The following STAG1 variants were observed in gnomAD, a reference collection of about 807,000 sequenced individuals.
STAG1 encodes the protein STAG1 cohesin complex component.
In STAG1, 26 loss-of-function variants were observed where a neutral mutation model predicts 170.9. The observed-to-expected ratio is 0.15, with a 90% confidence interval of 0.11 to 0.21. STAG1 has a LOEUF of 0.21. Ranked by LOEUF, STAG1 falls within the 10% of genes least tolerant of loss-of-function variation. The probability of loss-of-function intolerance (pLI) is 1.00; values close to 1 mark genes in which losing one functional copy is unlikely to be tolerated. For synonymous variants in STAG1, 514 were observed against 497.7 expected, an observed-to-expected ratio of 1.03 and a Z score of -0.44; for missense variants, 964 against 1,509.5, an observed-to-expected ratio of 0.64 and a Z score of 5.99.
In STAG1 at chr3:136,443,453, T is replaced by G; in HGVS notation, c.1429-49A>C. On this transcript the variant is annotated intron_variant, in intron 14 of 33. Transcript: ENST00000383202. ...ACCAAAGAATATTTAATAAAGAAAC[T>G]ACTAATACTAATTTGAGTTAAGAAA... The G allele has an allele frequency of 2.5e-6, 3 of 1,219,606 alleles. No homozygotes were observed. The South Asian group carries it at 4.0e-5, about 16-fold the overall frequency. 75.5% of individuals were successfully genotyped at this position (1,219,606 alleles called of 1,614,324 possible).
At chr3:136,541,823 T>A (rs559501283) in intron 6 of STAG1, among the ~76,000 whole-genome samples, 1 of 152,282 alleles carries the variant, frequency 6.6e-6, no homozygotes, top group East Asian at 1.9e-4. Flanking sequence ...CTGTTGGAGA[T>A]GCATTTATAA....
intron 13 of STAG1, among the ~76,000 whole-genome samples, chr3:136,457,294 G>T (rs1427895845): frequency 6.6e-6 from 1 of 152,128 alleles, no homozygotes; most frequent in Non-Finnish European, 1.5e-5. Flanking sequence ...AGACTTGTTG[G>T]TTGCTCTCCC....
intron 3 of STAG1, chr3:136,608,960 T>G (rs1939114395): frequency 6.6e-6 from 1 of 152,292 alleles, no homozygotes; most frequent in Admixed American, 6.6e-5. Context: ...GCTCAGGCAG[T>G]TGGAGGAGCG....
At position 136,724,875 on chromosome 3, in the gene STAG1, G is replaced by GCT. The variant is rs1159697557; in HGVS notation, c.-84+27318_-84+27319dup. On this transcript the variant is annotated intron_variant, in intron 1 of 33. Transcript: ENST00000383202. ...TGGGACAGAACAGTAATACCAGAGAGCTCTATAAGGCTGAAAAGAGACTGT... is the reference window on the plus strand; with the variant it reads ...TGGGACAGAACAGTAATACCAGAGAGCTCTCTATAAGGCTGAAAAGAGACTGT... Among the ~76,000 whole-genome samples, 5 of 152,220 alleles carry GCT rather than the reference G, an allele frequency of 3.3e-5. No individual in the cohort carries two copies. In the East Asian group the frequency reaches 9.7e-4, roughly 29 times the overall value.
intron 4 of STAG1, among the ~76,000 whole-genome samples, chr3:136,583,971 G>C (rs1013246865): frequency 2.0e-5 from 3 of 152,060 alleles, no homozygotes; most frequent in Non-Finnish European, 2.9e-5. Flanking sequence ...AAAATACCTG[G>C]GGATCAGCTA....
chr3:136,382,462 G>T (rs1405614899), intron 22 of STAG1, among the ~76,000 whole-genome samples: 1 of 151,004 alleles, frequency 6.6e-6, no homozygotes, highest in African/African-American at 2.4e-5. Flanking sequence ...GAGTGCAGTG[G>T]CGCTATCTCG....
chr3:136,611,914 C>T (rs1046740758), intron 3 of STAG1, among the ~76,000 whole-genome samples: 10 of 151,808 alleles, frequency 6.6e-5, no homozygotes, highest in African/African-American at 2.4e-4. Context: ...GTGGCGCGAT[C>T]TCGGCTCACC....
chr3:136,419,773 T>C (rs1350741958), intron 20 of STAG1, among the ~76,000 whole-genome samples: 1 of 152,046 alleles, frequency 6.6e-6, no homozygotes, highest in Non-Finnish European at 1.5e-5. Context: ...CCAAATCTTA[T>C]TTCTTACTTA....
At chr3:136,660,690 G>C (rs112952479) in intron 1 of STAG1, among the ~76,000 whole-genome samples, 175 of 152,014 alleles carry the variant, frequency 1.2e-3, no homozygotes, top group African/African-American at 2.4e-3. Context: ...GGGGACTGGC[G>C]AGGCATGGTG....
At chr3:136,691,162 G>A (rs752370956) in intron 1 of STAG1, among the ~76,000 whole-genome samples, 22 of 151,658 alleles carry the variant, frequency 1.5e-4, no homozygotes, top group Non-Finnish European at 1.6e-4. Context: ...TTGTTTGGGC[G>A]CAGTGGCTCA....
At chr3:136,583,731 G>A (rs1937663785) in intron 4 of STAG1, among the ~76,000 whole-genome samples, 1 of 152,198 alleles carries the variant, frequency 6.6e-6, no homozygotes. Flanking sequence ...AAAGGCTGCA[G>A]TGAGCCAAGA....
At chr3:136,706,683 T>C (rs529901132) in intron 1 of STAG1, among the ~76,000 whole-genome samples, 48 of 152,322 alleles carry the variant, frequency 3.2e-4, no homozygotes, top group Admixed American at 2.0e-3. Flanking sequence ...AAAATTCCAA[T>C]GGACTTTTTT....
chr3:136,713,142 A>T (rs1427797613), intron 1 of STAG1, among the ~76,000 whole-genome samples: 1 of 152,184 alleles, frequency 6.6e-6, no homozygotes, highest in Non-Finnish European at 1.5e-5. Context: ...CAATGGTCCC[A>T]AACTAAAAAT....
At chr3:136,486,793 T>C (rs758907840) in intron 9 of STAG1, among the ~76,000 whole-genome samples, 1 of 152,080 alleles carries the variant, frequency 6.6e-6, no homozygotes, top group Non-Finnish European at 1.5e-5. Context: ...AGATTATGAA[T>C]GGCTGTTTGC....
At chr3:136,751,884 CCGGG>C (rs1279018657) in intron 1 of STAG1, among the ~76,000 whole-genome samples, 6 of 150,848 alleles carry the variant, frequency 4.0e-5, no homozygotes, top group East Asian at 1.9e-4. Context: ...GCCGTAGTGC[CCGGG>C]CGGGCGGGGG....
intron 1 of STAG1, among the ~76,000 whole-genome samples, chr3:136,657,249 G>T (rs1941417395): frequency 7.2e-6 from 1 of 138,492 alleles, no homozygotes; most frequent in African/African-American, 2.7e-5. Flanking sequence ...GTCTAGGCTG[G>T]AGTGCAATGG....
intron 22 of STAG1, among the ~76,000 whole-genome samples, chr3:136,386,293 C>T (rs1299798433): frequency 2.0e-5 from 3 of 152,208 alleles, no homozygotes; most frequent in East Asian, 1.9e-4. Context: ...GAGCCGAGAT[C>T]GTGCCATTGC....
intron 12 of STAG1, among the ~76,000 whole-genome samples, chr3:136,467,543 C>A (rs756821459): frequency 3.4e-4 from 51 of 152,222 alleles, no homozygotes; most frequent in Non-Finnish European, 6.2e-4. Context: ...GAGTTAGACT[C>A]CCACACAATA....
chr3:136,448,901 T>G (rs1256610340), intron 14 of STAG1, among the ~76,000 whole-genome samples: 2 of 151,916 alleles, frequency 1.3e-5, no homozygotes, highest in Non-Finnish European at 2.9e-5. Flanking sequence ...ATTGCACCAC[T>G]GCACTCCAGC....
Sources: gnomAD v4.1 joint callset for allele counts (sites outside exome capture counted in the v4.1 genomes callset) on GRCh38, gnomAD v4.1.1 for gene constraint, MANE v1.5 for transcripts, NCBI Gene and HGNC (gene_info 2026-07-23, HGNC 2026-07-21) for gene names.